Variants in DSCAML1 observed in about 807,000 individuals in gnomAD.
The protein encoded by DSCAML1 is DS cell adhesion molecule like 1, also known as cell adhesion molecule DSCAML1.
A neutral mutation model predicts 200.5 loss-of-function variants in DSCAML1; 38 were observed. The observed-to-expected ratio is 0.19, with a 90% CI of 0.15 to 0.25. DSCAML1 has a LOEUF of 0.25. Ranked by LOEUF, DSCAML1 falls within the 10% of genes least tolerant of loss-of-function variation. DSCAML1 has a pLI of 1.00. For synonymous variants in DSCAML1, 1,215 were observed against 1,165.0 expected, an observed-to-expected ratio of 1.04 and a Z score of -0.87; for missense variants, 2,223 against 2,858.8, an observed-to-expected ratio of 0.78 and a Z score of 5.07.
At chr11:117,748,817 C>T (rs1047674395) in intron 3 of DSCAML1, among the ~76,000 whole-genome samples, 1 of 152,164 alleles carries the variant, frequency 6.6e-6, no homozygotes, top group Admixed American at 6.5e-5. Context: ...CCTCTGCCCA[C>T]GTCCAACAGG....
rs748222741 is a variant in DSCAML1, at chr11:117,730,820, C to A, written c.511+45971G>T. Among the ~76,000 whole-genome samples the A allele has an allele frequency of 2.0e-5, 3 of 152,110 alleles. No homozygotes were observed. The South Asian group carries it at 6.2e-4, about 32-fold the overall frequency. Reference sequence around the variant, plus strand: ...AATACACCTCATATCCATCAATGGGCGAATTGATAAATCAAATGTGGATTC... The same window carrying A: ...AATACACCTCATATCCATCAATGGGAGAATTGATAAATCAAATGTGGATTC... On this transcript the variant is annotated intron_variant, in intron 3 of 32. Transcript: ENST00000651296.
chr11:117,705,517 C>T (rs1308217060), intron 3 of DSCAML1, among the ~76,000 whole-genome samples: 1 of 152,154 alleles, frequency 6.6e-6, no homozygotes, highest in Non-Finnish European at 1.5e-5. Context: ...CTGTGATAAA[C>T]AAGGAGATTT....
At chr11:117,609,783 T>G (rs1461892135) in intron 3 of DSCAML1, among the ~76,000 whole-genome samples, 1 of 152,228 alleles carries the variant, frequency 6.6e-6, no homozygotes, top group African/African-American at 2.4e-5. Context: ...CAAATGATTT[T>G]TTTCTTGGTT....
chr11:117,466,635 A>G (rs569887536), intron 16 of DSCAML1, among the ~76,000 whole-genome samples: 1 of 152,242 alleles, frequency 6.6e-6, no homozygotes, highest in African/African-American at 2.4e-5. Context: ...CGGGAGGCGG[A>G]GGTTGGAGTG....
At chr11:117,600,978 A>G (rs2051454452) in intron 3 of DSCAML1, among the ~76,000 whole-genome samples, 1 of 152,194 alleles carries the variant, frequency 6.6e-6, no homozygotes, top group South Asian at 2.1e-4. Context: ...GAGGGAGGGC[A>G]GGAATCATCC....
Position 117,437,762 on chromosome 11 carries a change from C to CT in DSCAML1, c.4432+132dup. The CT allele has an allele frequency of 3.9e-6, 4 of 1,026,552 alleles. No homozygotes were observed. The South Asian group carries it at 6.8e-5, about 18-fold the overall frequency. The allele number at this position is 1,026,552 out of a possible 1,614,324, so 63.6% of individuals were successfully genotyped here. On this transcript the variant is annotated intron_variant, in intron 25 of 32. Transcript: ENST00000651296. This position sits in a 1 kb window ranked among gnomAD's most constrained non-coding sequence, Gnocchi z 5.3. ...GGTGACGGGAAGGAGGCTGAGGCTC[C>CT]TCCCTTCAGTCTCCCTGCATCCCTG...
intron 11 of DSCAML1, among the ~76,000 whole-genome samples, chr11:117,495,832 A>C (rs1490096338): frequency 6.6e-6 from 1 of 152,164 alleles, no homozygotes; most frequent in African/African-American, 2.4e-5. Flanking sequence ...GTTCCTTCAG[A>C]ATGACTCTTA....
intron 3 of DSCAML1, among the ~76,000 whole-genome samples, chr11:117,733,243 C>T (rs757417380): frequency 2.6e-5 from 4 of 152,104 alleles, no homozygotes; most frequent in African/African-American, 7.2e-5. Context: ...TGTTGCTCTC[C>T]CCATTTAGGC....
chr11:117,450,319 C>A (rs2048261017), intron 20 of DSCAML1, among the ~76,000 whole-genome samples: 1 of 152,226 alleles, frequency 6.6e-6, no homozygotes, highest in Non-Finnish European at 1.5e-5. Context: ...CTCAAAAGAG[C>A]CCCCAGTGTT....
rs537148888 is a variant in DSCAML1, at chr11:117,539,756, C to T, written c.512-7234G>A. Among the ~76,000 whole-genome samples, 3 of 152,140 alleles carry T rather than the reference C, an allele frequency of 2.0e-5. No individual in the cohort carries two copies. In the East Asian group the frequency reaches 5.8e-4, roughly 29 times the overall value. On this transcript the variant is annotated intron_variant, in intron 3 of 32. Transcript: ENST00000651296. ...ATAAAAAATAGAATTACTATACGAT[C>T]CAGTGATTCTACTTATGGGTATATA...
chr11:117,634,387 G>A (rs777127233), intron 3 of DSCAML1, among the ~76,000 whole-genome samples: 6 of 152,148 alleles, frequency 3.9e-5, no homozygotes, highest in Admixed American at 6.5e-5. Flanking sequence ...TCCAGCCTCC[G>A]CTTCATATGG....
intron 8 of DSCAML1, among the ~76,000 whole-genome samples, chr11:117,515,277 C>G (rs2137302029): frequency 6.6e-6 from 1 of 152,264 alleles, no homozygotes; most frequent in South Asian, 2.1e-4. Context: ...AGTACCCAAC[C>G]CCTGTAGCCT....
intron 3 of DSCAML1, among the ~76,000 whole-genome samples, chr11:117,634,192 G>A (rs1409847837): frequency 1.3e-5 from 2 of 152,188 alleles, no homozygotes; most frequent in Non-Finnish European, 2.9e-5. Flanking sequence ...CCCTCATGCA[G>A]CTTCCTGGAG....
chr11:117,729,285 G>A (rs1279288551), intron 3 of DSCAML1, among the ~76,000 whole-genome samples: 2 of 152,170 alleles, frequency 1.3e-5, no homozygotes, highest in African/African-American at 4.8e-5. Flanking sequence ...ATGTATCAAA[G>A]ACTTAAATGT....
intron 19 of DSCAML1, among the ~76,000 whole-genome samples, chr11:117,452,143 A>T (rs961722797): frequency 1.3e-5 from 2 of 152,162 alleles, no homozygotes; most frequent in Non-Finnish European, 2.9e-5. Flanking sequence ...GGGTAAGTGC[A>T]CTAATTGGAG....
chr11:117,723,978 G>A lies in DSCAML1; in HGVS notation c.511+52813C>T, dbSNP rs190966308. On this transcript the variant is annotated intron_variant, in intron 3 of 32. Transcript: ENST00000651296. ...CTGCTCGCAGACAGAGAGGAAGGGAGCAAAAGAGAGCTTGGCTACGGCTGG... is the reference window on the plus strand; with the variant it reads ...CTGCTCGCAGACAGAGAGGAAGGGAACAAAAGAGAGCTTGGCTACGGCTGG... Among the ~76,000 whole-genome samples, 129 of 152,354 alleles carry A rather than the reference G, an allele frequency of 8.5e-4. 1 individual carries two copies. The highest frequency in any genetic ancestry group is 1.5e-3 in the Non-Finnish European group (101 of 68,030).
At chr11:117,626,202 C>T (rs538224720) in intron 3 of DSCAML1, among the ~76,000 whole-genome samples, 18 of 84,024 alleles carry the variant, frequency 2.1e-4, no homozygotes, top group Admixed American at 1.2e-3. Flanking sequence ...TGCTGAGACC[C>T]CCCCCCCTCC....
chr11:117,512,776 CA>C (rs2049661131), intron 8 of DSCAML1, among the ~76,000 whole-genome samples: 1 of 147,894 alleles, frequency 6.8e-6, no homozygotes, highest in Admixed American at 6.7e-5. Flanking sequence ...CACACACACA[CA>C]CACACACACA....
At chr11:117,439,581 G>T in intron 22 of DSCAML1, 152 bp from the exon 23 acceptor site, 1 of 1,116,916 alleles carries the variant, frequency 9.0e-7, no homozygotes, top group Non-Finnish European at 1.3e-6. Flanking sequence ...ACTCCCTGGG[G>T]GTATGAGGTA....
Sources: allele counts gnomAD v4.1 joint callset (sites outside exome capture counted in the v4.1 genomes callset), GRCh38; gene constraint gnomAD v4.1.1; non-coding constraint Gnocchi (gnomAD v3.1); transcripts MANE v1.5; gene names NCBI Gene and HGNC (gene_info 2026-07-23, HGNC 2026-07-21).